Variants in CARMIL1 observed in about 807,000 individuals in gnomAD.
CARMIL1 encodes the protein capping protein regulator and myosin 1 linker 1.
In CARMIL1, 90 loss-of-function variants were observed where a neutral mutation model predicts 177.1. The ratio of observed to expected loss-of-function variants is 0.51; its 90% CI spans 0.43 to 0.61. The LOEUF (loss-of-function observed/expected upper bound fraction) is 0.61. Among genes scored for constraint, CARMIL1 ranks in the 20% least tolerant of loss-of-function variants. CARMIL1 has a pLI of 0.00. For missense variants in CARMIL1, 1,380 were observed against 1,667.0 expected (o/e 0.83, Z 3.00); for synonymous variants, 577 against 606.2 (o/e 0.95, Z 0.71).
intron 17 of CARMIL1, among the ~76,000 whole-genome samples, chr6:25,502,530 G>A (rs989557721): frequency 4.7e-5 from 7 of 148,494 alleles, no homozygotes; most frequent in Admixed American, 1.4e-4. Flanking sequence ...CTCCAGCCCG[G>A]GCGACAGCTA....
intron 2 of CARMIL1, among the ~76,000 whole-genome samples, chr6:25,359,138 C>T (rs999639735): frequency 6.6e-6 from 1 of 152,168 alleles, no homozygotes; most frequent in African/African-American, 2.4e-5. Context: ...AAGGCTCTCT[C>T]TTGGCTTTCT....
At chr6:25,451,986 G>GCGGGGGGGGGGGCC in intron 8 of CARMIL1, 1 of 112,672 alleles carries the variant, frequency 8.9e-6, no homozygotes, top group South Asian at 7.1e-5. Context: ...CTAGCATCTT[G>GCGGGGGGGGGGGCC]CCCCCCCCTC....
rs35960509 is a variant in CARMIL1 at position 25,312,905 on chromosome 6, TAAAAA to T, written c.138+28018_138+28022del. 3.5e-5 allele frequency among the ~76,000 whole-genome samples: 4 copies of T among 115,042 alleles called. No homozygotes were observed. The East Asian group carries it at 8.4e-4, about 24-fold the overall frequency. The allele number at this position is 115,042 out of a possible 152,430, so 75.5% of individuals were successfully genotyped here. A position where few individuals can be genotyped will look rare whatever the true frequency, so the allele number is the denominator to read the frequency against. On this transcript the variant is annotated intron_variant, in intron 2 of 36. Transcript: ENST00000329474. ...TAAAATTTCCTTTGCATGACTCAGT[TAAAAA>T]AAAAAAAAAAAAAAAAAAAAACCAG...
At chr6:25,334,499 C>T (rs367972698) in intron 2 of CARMIL1, among the ~76,000 whole-genome samples, 30 of 152,290 alleles carry the variant, frequency 2.0e-4, no homozygotes, top group South Asian at 1.7e-3. Context: ...CAGTTATCAG[C>T]TTAACTAATC....
At chr6:25,357,707 CT>C (rs1235998518) in intron 2 of CARMIL1, among the ~76,000 whole-genome samples, 1 of 152,152 alleles carries the variant, frequency 6.6e-6, no homozygotes, top group East Asian at 1.9e-4. Flanking sequence ...GGATAAGCTT[CT>C]CAGTATAAAC....
chr6:25,620,208 G>A lies in CARMIL1; in HGVS notation c.*625G>A, dbSNP rs930306602. On this transcript the variant is annotated 3_prime_UTR_variant, in exon 37 of 37. Coordinates refer to ENST00000329474, the MANE Select transcript of CARMIL1 (RefSeq NM_017640.6). ...ATGTGGAATTGTACATTTAAAGCTT[G>A]GTCGGTGACCTTTGCATACCATCAA... 3.9e-5 allele frequency: 6 copies of A among 152,490 alleles called. No homozygotes were observed. The highest frequency in any genetic ancestry group is 3.3e-4 in the Admixed American group (5 of 15,274). The allele number at this position is 152,490 out of a possible 1,614,324, so 9.4% of individuals were successfully genotyped here. A position where few individuals can be genotyped will look rare whatever the true frequency, so the allele number is the denominator to read the frequency against.
chr6:25,330,246 A>G (rs1785492952), intron 2 of CARMIL1, among the ~76,000 whole-genome samples: 1 of 152,204 alleles, frequency 6.6e-6, no homozygotes. Flanking sequence ...GCAGGGCTAG[A>G]GGGATGCTCC....
intron 36 of CARMIL1, among the ~76,000 whole-genome samples, chr6:25,613,606 A>G (rs1816668272): frequency 6.6e-6 from 1 of 152,194 alleles, no homozygotes; most frequent in Non-Finnish European, 1.5e-5. Flanking sequence ...ATTGAAGGAC[A>G]AGTATTGCTG....
chr6:25,407,232 A>G (rs1040522525), intron 2 of CARMIL1, among the ~76,000 whole-genome samples: 2 of 152,180 alleles, frequency 1.3e-5, no homozygotes, highest in African/African-American at 4.8e-5. Flanking sequence ...CTCAAAGGGT[A>G]GAGACAGTTA....
chr6:25,524,977 A>G (rs1292432336), intron 23 of CARMIL1, among the ~76,000 whole-genome samples: 2 of 152,164 alleles, frequency 1.3e-5, no homozygotes, highest in Non-Finnish European at 2.9e-5. Flanking sequence ...CTATCCCAGC[A>G]CTGTGGGATA....
chr6:25,471,231 G>A lies in CARMIL1; in HGVS notation c.753G>A (p.Leu251=), dbSNP rs768944535. The change falls in exon 10 of 37, where the codon TTG becomes TTA. Residue 251 remains leucine, a synonymous_variant. Coordinates refer to ENST00000329474, the MANE Select transcript of CARMIL1 (RefSeq NM_017640.6). ...VVSRSNRLEE[L]VLENAGLRTD... ...GTAGGTCCAATCGACTGGAAGAATT[G>A]GTGTTGGAAAATGCTGGACTTAGAA... 4 of 1,612,954 alleles carry A rather than the reference G, an allele frequency of 2.5e-6. No homozygotes were observed. The highest frequency in any genetic ancestry group is 1.3e-5 in the African/African-American group (1 of 74,926).
chr6:25,460,991 G>A (rs1800069364), intron 8 of CARMIL1, among the ~76,000 whole-genome samples: 1 of 152,056 alleles, frequency 6.6e-6, no homozygotes, highest in South Asian at 2.1e-4. Flanking sequence ...GCCCCACCTG[G>A]TTATAATAAT....
intron 28 of CARMIL1, among the ~76,000 whole-genome samples, chr6:25,556,005 A>G (rs1449466384): frequency 6.6e-6 from 1 of 152,176 alleles, no homozygotes; most frequent in Non-Finnish European, 1.5e-5. Context: ...ATTAAGTCTC[A>G]TATGAAGGAA....
intron 2 of CARMIL1, among the ~76,000 whole-genome samples, chr6:25,385,722 A>G (rs1057093030): frequency 7.2e-5 from 11 of 152,312 alleles, no homozygotes; most frequent in African/African-American, 2.6e-4. Context: ...TGGATCAGTC[A>G]GCACTAACAT....
At chr6:25,344,269 C>T (rs1301957777) in intron 2 of CARMIL1, among the ~76,000 whole-genome samples, 2 of 152,082 alleles carry the variant, frequency 1.3e-5, no homozygotes, top group African/African-American at 4.8e-5. Context: ...TTTTTCAGTC[C>T]ATTGAATCCA....
chr6:25,534,263 A>G (rs1253039107), intron 24 of CARMIL1, among the ~76,000 whole-genome samples: 17 of 151,948 alleles, frequency 1.1e-4, no homozygotes, highest in African/African-American at 3.6e-4. Context: ...AGAGCTCACA[A>G]TTGTGGGGAG....
intron 2 of CARMIL1, among the ~76,000 whole-genome samples, chr6:25,417,413 C>T (rs1240407589): frequency 6.6e-6 from 1 of 152,136 alleles, no homozygotes; most frequent in Non-Finnish European, 1.5e-5. Context: ...CTCTTAATTC[C>T]CTGAGTACTG....
chr6:25,330,956 A>C (rs1031225870), intron 2 of CARMIL1, among the ~76,000 whole-genome samples: 1 of 151,148 alleles, frequency 6.6e-6, no homozygotes, highest in African/African-American at 2.4e-5. Context: ...AATTTTGCTA[A>C]AAGTTTCCCA....
At chr6:25,391,066 G>A (rs78473402) in intron 2 of CARMIL1, among the ~76,000 whole-genome samples, 2,234 of 152,306 alleles carry the variant, frequency 0.015, 73 homozygotes, top group East Asian at 0.13. Context: ...TTGGTTGCGT[G>A]ATTTGATTTG....
Sources: allele counts gnomAD v4.1 joint callset (sites outside exome capture counted in the v4.1 genomes callset), GRCh38; gene constraint gnomAD v4.1.1; transcripts MANE v1.5; gene names NCBI Gene and HGNC (gene_info 2026-07-23, HGNC 2026-07-21).